The following RHOT1 variants were observed in gnomAD, a reference collection of about 807,000 sequenced individuals.
RHOT1 encodes the protein mitochondrial Rho GTPase 1.
In RHOT1, 27 loss-of-function variants were observed where a neutral mutation model predicts 95.3. The ratio of observed to expected loss-of-function variants is 0.28; its 90% CI spans 0.21 to 0.39. The LOEUF (loss-of-function observed/expected upper bound fraction) is 0.39. Ranked by LOEUF, RHOT1 falls within the 10% of genes least tolerant of loss-of-function variation. The pLI, the probability that RHOT1 is intolerant of heterozygous loss-of-function variation, is 1.00. For missense variants in RHOT1, 578 were observed against 786.7 expected, an observed-to-expected ratio of 0.73 and a Z score of 3.17; for synonymous variants, 227 against 263.5, an observed-to-expected ratio of 0.86 and a Z score of 1.34.
Position 32,208,306 on chromosome 17 carries a change from A to T in RHOT1, c.1736A>T (p.Tyr579Phe), listed in dbSNP as rs1236939102. The T allele has an allele frequency of 6.2e-7, 1 of 1,613,140 alleles. No homozygotes were observed. Among genetic ancestry groups the T allele is most frequent in the Non-Finnish European group, 8.5e-7 (1 of 1,179,190 alleles). The change falls in exon 18 of 20, where the codon TAT becomes TTT. Residue 579 changes from tyrosine (Y) to phenylalanine (F), a missense_variant. Tyr to Phe is a conservative substitution (Grantham distance 22). Around this residue, in one of 4 missense-constraint regions of RHOT1, gnomAD observed 296 missense variants for 338.5 expected, o/e 0.87. Transcript: ENST00000545287. ...IFVKLTTMAM[Y>F]PHARLRCMCT... ...GTTAAATTGACAACAATGGCCATGT[A>T]TCCGTAAGTACTTGCTGTCTTCATT... is the stretch of plus-strand genomic sequence containing the variant.
At chr17:32,183,085 A>G (rs2035768916) in intron 7 of RHOT1, 86 bp from the exon 8 acceptor site, 1 of 1,171,646 alleles carries the variant, frequency 8.5e-7, no homozygotes, top group Non-Finnish European at 1.2e-6. Context: ...TTTTCAAGGA[A>G]TCTTTTTTTT....
In RHOT1 at chr17:32,173,938, A is replaced by G. The variant is rs73286134; in HGVS notation, c.178+26A>G. The G allele has an allele frequency of 2.2e-3, 3,198 of 1,452,736 alleles. 65 individuals carry two copies. In the African/African-American group the frequency reaches 0.039, roughly 18 times the overall value. The allele number at this position is 1,452,736 out of a possible 1,614,324, so 90.0% of individuals were successfully genotyped here. ...GTAATGAATATCCTCTTGTAGATGAAGGTGTAGGTTAATTTAATAGACTTG... is the reference window on the plus strand; with the variant it reads ...GTAATGAATATCCTCTTGTAGATGAGGGTGTAGGTTAATTTAATAGACTTG... On this transcript the variant is annotated intron_variant, in intron 3 of 19. Coordinates refer to ENST00000545287, the MANE Select transcript of RHOT1 (RefSeq NM_001033566.3).
chr17:32,179,619 C>T (rs2035409103), intron 6 of RHOT1: 2 of 149,792 alleles, frequency 1.3e-5, no homozygotes, highest in Admixed American at 6.8e-5. Context: ...AAGTGAGGAG[C>T]GCCTCTGCCC....
rs963899351 is a variant in RHOT1, at chr17:32,199,395, G to A, written c.955-10G>A. On this transcript the variant is annotated splice_polypyrimidine_tract_variant and intron_variant, in intron 12 of 19. Transcript: ENST00000545287. ...ATATCTAAACATTCTGTATCCTTGT[G>A]TTTCTTCAGGATAGAGACTGTGCTT... 11 of 1,600,784 alleles carry A rather than the reference G, an allele frequency of 6.9e-6. No individual in the cohort carries two copies. In the Admixed American group the frequency reaches 1.8e-4, roughly 26 times the overall value.
chr17:32,169,530 G>A (rs1483984537), intron 1 of RHOT1, among the ~76,000 whole-genome samples: 1 of 152,212 alleles, frequency 6.6e-6, no homozygotes, highest in African/African-American at 2.4e-5. Context: ...AAGAAAGAAT[G>A]TAGAGATGCA....
chr17:32,166,187 CAAA>C (rs200254466), intron 1 of RHOT1, among the ~76,000 whole-genome samples: 6 of 106,536 alleles, frequency 5.6e-5, no homozygotes, highest in South Asian at 3.0e-4. Context: ...GACTCTATCT[CAAA>C]AAAAAAAAAA....
intron 11 of RHOT1, among the ~76,000 whole-genome samples, chr17:32,195,107 G>C (rs2142786120): frequency 6.6e-6 from 1 of 151,548 alleles, no homozygotes; most frequent in African/African-American, 2.4e-5. Context: ...TTACAGGCGT[G>C]AGCCACTGCA....
intron 3 of RHOT1, among the ~76,000 whole-genome samples, chr17:32,174,646 T>C (rs1347726689): frequency 6.6e-6 from 1 of 152,234 alleles, no homozygotes; most frequent in Non-Finnish European, 1.5e-5. Context: ...TGATATTAGT[T>C]TATATGTCAG....
intron 1 of RHOT1, among the ~76,000 whole-genome samples, chr17:32,159,054 G>A (rs1220003460): frequency 1.3e-5 from 2 of 152,088 alleles, no homozygotes; most frequent in Non-Finnish European, 2.9e-5. Flanking sequence ...CTGCTTCCAG[G>A]CCTGGAGCCT....
At chr17:32,192,332 CTTTT>C (rs397857197) in intron 9 of RHOT1, 33 bp downstream of exon 9, 12,616 of 524,674 alleles carry the variant, frequency 0.024, no homozygotes, top group East Asian at 0.034. Context: ...ATTTGCGTAT[CTTTT>C]TTTTTTTTTT....
chr17:32,187,448 G>T (rs1333130194), intron 8 of RHOT1, among the ~76,000 whole-genome samples: 2 of 152,006 alleles, frequency 1.3e-5, no homozygotes, highest in East Asian at 2.0e-4. Flanking sequence ...TGTTTGTCGG[G>T]AGAGGTATTG....
chr17:32,146,899 ATTTTTT>A (rs71144808), intron 1 of RHOT1, among the ~76,000 whole-genome samples: 1 of 98,026 alleles, frequency 1.0e-5, no homozygotes, highest in African/African-American at 4.4e-5. Context: ...ATTTTTGTAA[ATTTTTT>A]TTTTTTTTTT....
rs1472693014 is a variant in RHOT1 at position 32,224,864 on chromosome 17, TAA to T, written c.*132_*133del. ...TTTATTAATATTTGTAATTCATGCA[TAA>T]GAGTATTTTAATGATAGTTATAACT... On this transcript the variant is annotated 3_prime_UTR_variant, in exon 20 of 20. Coordinates refer to ENST00000545287, the MANE Select transcript of RHOT1 (RefSeq NM_001033566.3). 2 of 579,810 alleles carry T rather than the reference TAA, an allele frequency of 3.4e-6. No individual in the cohort carries two copies. The highest frequency in any genetic ancestry group is 1.8e-5 in the African/African-American group (1 of 54,354). The allele number at this position is 579,810 out of a possible 1,614,324, so 35.9% of individuals were successfully genotyped here.
chr17:32,208,049 A>G (rs2037875965), intron 17 of RHOT1, 58 bp from the exon 18 acceptor site: 8 of 1,474,844 alleles, frequency 5.4e-6, no homozygotes, highest in Non-Finnish European at 6.6e-6. Flanking sequence ...TTCACATTTA[A>G]TTAAATAGTA....
chr17:32,203,903 T>C lies in RHOT1; in HGVS notation c.1346T>C (p.Ile449Thr). 6.2e-7 allele frequency: 1 copy of C among 1,612,820 alleles called. No homozygotes were observed. The highest frequency in any genetic ancestry group is 8.5e-7 in the Non-Finnish European group (1 of 1,179,342). ...LGRNLMRQKK[I>T]REDHKSYYAI... ...TTCTGTTTTCAGAGGCAGAAGAAAATTCGTGAAGATCATAAATCCTACTAT... is the reference window on the plus strand; with the variant it reads ...TTCTGTTTTCAGAGGCAGAAGAAAACTCGTGAAGATCATAAATCCTACTAT... The change falls in exon 16 of 20, where the codon ATT becomes ACT. Residue 449 changes from isoleucine to threonine, a missense_variant. Around this residue, in one of 4 missense-constraint regions of RHOT1, gnomAD observed 296 missense variants for 338.5 expected, o/e 0.87. Coordinates refer to ENST00000545287, the MANE Select transcript of RHOT1 (RefSeq NM_001033566.3).
At position 32,178,714 on chromosome 17, in the gene RHOT1, T is replaced by C. The variant is rs972148912; in HGVS notation, c.329+2501T>C. On this transcript the variant is annotated intron_variant, in intron 6 of 19. Transcript: ENST00000545287. ...CCGAATGGGATGTGAGGAGCGCCTC[T>C]GCCCAGCCGCCCTGTCTGGGAGGTG... 2.8e-5 allele frequency among the ~76,000 whole-genome samples: 4 copies of C among 145,412 alleles called. No homozygotes were observed. The Admixed American group carries it at 2.8e-4, about 10-fold the overall frequency.
At position 32,147,190 on chromosome 17, in the gene RHOT1, G is replaced by A. The variant is rs1291658229; in HGVS notation, c.37+4461G>A. ...CTCCCAAGTAACTGGGATTACAGGC[G>A]CATACCACCACGCCTGGCTAATTTT... On this transcript the variant is annotated intron_variant, in intron 1 of 19. Transcript: ENST00000545287. Among the ~76,000 whole-genome samples, 6 of 151,390 alleles carry A rather than the reference G, an allele frequency of 4.0e-5. 1 individual carries two copies. The South Asian group carries it at 6.3e-4, about 16-fold the overall frequency.
At chr17:32,200,009 C>G (rs1447295369) in intron 13 of RHOT1, among the ~76,000 whole-genome samples, 1 of 142,036 alleles carries the variant, frequency 7.0e-6, no homozygotes, top group African/African-American at 2.7e-5. Context: ...GTGGCGTGAT[C>G]TTGGCTCACT....
At chr17:32,158,226 G>A (rs1479308575) in intron 1 of RHOT1, among the ~76,000 whole-genome samples, 2 of 152,138 alleles carry the variant, frequency 1.3e-5, no homozygotes, top group African/African-American at 2.4e-5. Context: ...GTCCTTAGAA[G>A]ACAATCAGGT....
Sources: gnomAD v4.1 joint callset for allele counts (sites outside exome capture counted in the v4.1 genomes callset) on GRCh38, gnomAD v4.1.1 for gene constraint, gnomAD v4.1.1 regional missense constraint, MANE v1.5 for transcripts, NCBI Gene and HGNC (gene_info 2026-07-23, HGNC 2026-07-21) for gene names.